Variants in NAALADL2 observed in about 807,000 individuals in gnomAD.
NAALADL2 encodes the protein N-acetylated alpha-linked acidic dipeptidase like 2.
In NAALADL2, 76 loss-of-function variants were observed where a neutral mutation model predicts 87.2. That is an observed-to-expected ratio of 0.87 (90% CI 0.72 to 1.05). NAALADL2 has a LOEUF of 1.05. NAALADL2 is among the 50% of genes least tolerant of loss of function. The probability of loss-of-function intolerance (pLI) is 0.00; values close to 1 mark genes in which losing one functional copy is unlikely to be tolerated. For missense variants in NAALADL2, 1,089 were observed against 945.8 expected (o/e 1.15, Z -1.99); for synonymous variants, 354 against 331.0 (o/e 1.07, Z -0.75).
At chr3:174,863,726 C>A (rs1223777219) in intron 1 of NAALADL2, 2 of 197,044 alleles carry the variant, frequency 1.0e-5, no homozygotes, top group Non-Finnish European at 2.1e-5. Flanking sequence ...TCTCTGTATT[C>A]ATCATCAGAA....
At chr3:175,486,453 T>C (rs1036450448) in intron 9 of NAALADL2, among the ~76,000 whole-genome samples, 1 of 152,128 alleles carries the variant, frequency 6.6e-6, no homozygotes, top group African/African-American at 2.4e-5. Context: ...AGTTAGCATT[T>C]CTCTCTCTAT....
chr3:175,275,036 G>T (rs937056489), intron 4 of NAALADL2, among the ~76,000 whole-genome samples: 1 of 152,096 alleles, frequency 6.6e-6, no homozygotes. Context: ...CTTATTATCT[G>T]AATTGTTCTT....
chr3:174,979,304 CT>C (rs5854604), intron 1 of NAALADL2, among the ~76,000 whole-genome samples: 350 of 105,194 alleles, frequency 3.3e-3, no homozygotes, highest in Middle Eastern at 7.5e-3. Context: ...TCTTTCTTTT[CT>C]TTTTTTTTTT....
chr3:175,457,009 A>T (rs1722414104), intron 6 of NAALADL2, among the ~76,000 whole-genome samples: 1 of 152,078 alleles, frequency 6.6e-6, no homozygotes, highest in Non-Finnish European at 1.5e-5. Flanking sequence ...CTGAATCTTT[A>T]ACAGTAATAC....
At chr3:175,443,526 G>A (rs576523303) in intron 5 of NAALADL2, among the ~76,000 whole-genome samples, 4 of 152,258 alleles carry the variant, frequency 2.6e-5, no homozygotes, top group Admixed American at 2.6e-4. Flanking sequence ...TGTCTGCTGG[G>A]GGAGAGTATT....
intron 1 of NAALADL2, among the ~76,000 whole-genome samples, chr3:174,917,586 C>G (rs958123651): frequency 6.6e-6 from 1 of 152,122 alleles, no homozygotes; most frequent in African/African-American, 2.4e-5. Flanking sequence ...TGGTTAGAGA[C>G]ACACTATTAT....
At chr3:175,194,901 G>A (rs1738745670) in intron 2 of NAALADL2, among the ~76,000 whole-genome samples, 2 of 151,730 alleles carry the variant, frequency 1.3e-5, no homozygotes, top group Admixed American at 6.6e-5. Flanking sequence ...TTCTTGGGAA[G>A]TTTAAAATTA....
At chr3:174,469,298 C>G (rs943194872) in intron 1 of NAALADL2, among the ~76,000 whole-genome samples, 2 of 151,936 alleles carry the variant, frequency 1.3e-5, no homozygotes, top group African/African-American at 4.8e-5. Flanking sequence ...CGCTCTGTCG[C>G]CCAGGCTGTA....
chr3:174,698,968 T>TATAC (rs1491266933), intron 2 of NAALADL2, among the ~76,000 whole-genome samples: 11 of 119,348 alleles, frequency 9.2e-5, no homozygotes, highest in African/African-American at 4.4e-4. Flanking sequence ...TGTGTGCGTG[T>TATAC]ATATATATAT....
rs549505064 is a variant in NAALADL2 at position 175,795,692 on chromosome 3, A to AAAAAT, written c.2190-7294_2190-7290dup. On this transcript the variant is annotated intron_variant, in intron 13 of 13. Coordinates refer to ENST00000454872, the MANE Select transcript of NAALADL2 (RefSeq NM_207015.3). ...AGCGAGACTCTGTCTCAAAAAATAA[A>AAAAAT]AAAATAAAATAAAATAAAATAAATA... 2.6e-4 allele frequency among the ~76,000 whole-genome samples: 39 copies of AAAAAT among 151,334 alleles called. 1 individual carries two copies. In the South Asian group the frequency reaches 3.3e-3, roughly 13 times the overall value.
intron 1 of NAALADL2, among the ~76,000 whole-genome samples, chr3:175,065,829 T>C (rs1714436335): frequency 6.6e-6 from 1 of 152,208 alleles, no homozygotes; most frequent in Non-Finnish European, 1.5e-5. Context: ...TTATCAATAA[T>C]GTAGAATGAA....
At chr3:175,176,246 T>A (rs1735678357) in intron 2 of NAALADL2, among the ~76,000 whole-genome samples, 2 of 152,124 alleles carry the variant, frequency 1.3e-5, no homozygotes, top group Non-Finnish European at 2.9e-5. Context: ...TAATGAATTG[T>A]CGCTCATCAG....
chr3:174,933,942 T>C (rs1737290084), intron 1 of NAALADL2, among the ~76,000 whole-genome samples: 1 of 152,194 alleles, frequency 6.6e-6, no homozygotes, highest in Admixed American at 6.5e-5. Flanking sequence ...CTATGGTATG[T>C]GACTTTAGGC....
intron 2 of NAALADL2, among the ~76,000 whole-genome samples, chr3:175,132,878 A>C (rs1347747008): frequency 6.6e-6 from 1 of 150,506 alleles, no homozygotes; most frequent in Non-Finnish European, 1.5e-5. Flanking sequence ...GGGGCTCCTC[A>C]CTTCTCAGAT....
chr3:175,682,329 G>GA (rs1366457922), intron 11 of NAALADL2, among the ~76,000 whole-genome samples: 4 of 151,862 alleles, frequency 2.6e-5, no homozygotes, highest in African/African-American at 9.7e-5. Flanking sequence ...AAAGTAGATA[G>GA]AAAAAATACT....
At chr3:174,549,214 C>A (rs1321634978) in intron 1 of NAALADL2, among the ~76,000 whole-genome samples, 1 of 152,198 alleles carries the variant, frequency 6.6e-6, no homozygotes, top group Non-Finnish European at 1.5e-5. Context: ...TGTTTTCTGA[C>A]ATGTTTTTAA....
intron 11 of NAALADL2, among the ~76,000 whole-genome samples, chr3:175,705,687 C>T (rs1739590581): frequency 6.6e-6 from 1 of 151,868 alleles, no homozygotes; most frequent in Admixed American, 6.6e-5. Flanking sequence ...AATATTATTG[C>T]CACTTTTAAA....
At chr3:175,268,216 G>A (rs1404758274) in intron 4 of NAALADL2, among the ~76,000 whole-genome samples, 1 of 152,064 alleles carries the variant, frequency 6.6e-6, no homozygotes, top group Admixed American at 6.6e-5. Context: ...ATAGCCTATT[G>A]CTCCCAGAAT....
At chr3:174,598,542 G>A (rs1431122548) in intron 2 of NAALADL2, among the ~76,000 whole-genome samples, 3 of 152,116 alleles carry the variant, frequency 2.0e-5, no homozygotes, top group Admixed American at 6.5e-5. Flanking sequence ...TTAGTTCTCC[G>A]AAGTGGTATG....
Sources: allele counts gnomAD v4.1 joint callset (sites outside exome capture counted in the v4.1 genomes callset), GRCh38; gene constraint gnomAD v4.1.1; transcripts MANE v1.5; gene names NCBI Gene and HGNC (gene_info 2026-07-23, HGNC 2026-07-21).